Variants in NECAB1 observed in about 807,000 individuals in gnomAD.
NECAB1 encodes the protein N-terminal EF-hand calcium-binding protein 1.
In NECAB1, 29 loss-of-function variants were observed where a neutral mutation model predicts 57.5. That is an observed-to-expected ratio of 0.50 (90% CI 0.38 to 0.69). The LOEUF (loss-of-function observed/expected upper bound fraction) is 0.69. Ranked by LOEUF, NECAB1 falls within the 30% of genes least tolerant of loss-of-function variation. The probability of loss-of-function intolerance (pLI) is 0.00; values close to 1 mark genes in which losing one functional copy is unlikely to be tolerated. For missense variants in NECAB1, 372 were observed against 413.8 expected (o/e 0.90, Z 0.88); for synonymous variants, 142 against 147.7 (o/e 0.96, Z 0.28).
chr8:90,895,003 A>C (rs553960605), intron 5 of NECAB1, among the ~76,000 whole-genome samples: 1 of 152,332 alleles, frequency 6.6e-6, no homozygotes, highest in Admixed American at 6.5e-5. Flanking sequence ...TGTTTCTGGG[A>C]GAACTTCAGT....
intron 3 of NECAB1, among the ~76,000 whole-genome samples, chr8:90,863,290 A>C (rs1808444720): frequency 6.6e-6 from 1 of 152,144 alleles, no homozygotes; most frequent in Non-Finnish European, 1.5e-5. Context: ...GAATACTAGT[A>C]GAAAGATCAA....
chr8:90,879,390 C>T (rs1586079401), intron 4 of NECAB1, among the ~76,000 whole-genome samples: 1 of 151,542 alleles, frequency 6.6e-6, no homozygotes, highest in South Asian at 2.1e-4. Context: ...CTCAAGTGAT[C>T]CTTCTGCCTT....
Position 90,936,032 on chromosome 8 carries a change from T to C in NECAB1, c.747+1675T>C, listed in dbSNP as rs116694040. Among the ~76,000 whole-genome samples, 326 of 152,260 alleles carry C rather than the reference T, an allele frequency of 2.1e-3. 2 individuals are homozygous for C. Among genetic ancestry groups the C allele is most frequent in the African/African-American group, 7.4e-3 (306 of 41,576 alleles). On this transcript the variant is annotated intron_variant, in intron 9 of 12. Transcript: ENST00000417640. ...TGGTTTGTTTTTTCAGAAGTAACAA[T>C]AAGATATTTGTCATTAAAAGTTGTT...
chr8:90,914,420 A>G (rs923341642), intron 5 of NECAB1, among the ~76,000 whole-genome samples: 5 of 152,206 alleles, frequency 3.3e-5, no homozygotes, highest in African/African-American at 1.2e-4. Flanking sequence ...GTCTGGAAGG[A>G]TAAGTAGGAA....
intron 5 of NECAB1, among the ~76,000 whole-genome samples, chr8:90,916,970 AT>A (rs2130116250): frequency 6.6e-6 from 1 of 152,324 alleles, no homozygotes; most frequent in African/African-American, 2.4e-5. Context: ...CATTTTCTGA[AT>A]TTTAAATAAC....
chr8:90,802,824 C>T (rs1368829309), intron 2 of NECAB1, among the ~76,000 whole-genome samples: 1 of 152,176 alleles, frequency 6.6e-6, no homozygotes, highest in African/African-American at 2.4e-5. Flanking sequence ...ATTGTCAGTT[C>T]AAATGTGCTT....
intron 12 of NECAB1, among the ~76,000 whole-genome samples, chr8:90,952,563 G>C (rs970501817): frequency 3.3e-5 from 5 of 152,112 alleles, no homozygotes; most frequent in Non-Finnish European, 7.4e-5. Flanking sequence ...CGGATCACAA[G>C]GCCAGGAGCT....
chr8:90,887,328 C>T (rs1050760201), intron 5 of NECAB1, among the ~76,000 whole-genome samples: 8 of 152,158 alleles, frequency 5.3e-5, no homozygotes, highest in African/African-American at 1.9e-4. Flanking sequence ...TTCATTACCA[C>T]AAGGCAGTAA....
At chr8:90,940,521 C>T in intron 9 of NECAB1, 1 of 365,284 alleles carries the variant, frequency 2.7e-6, no homozygotes, top group Non-Finnish European at 5.0e-6. Flanking sequence ...CTTCTCGAGT[C>T]ATTGAGAATC....
Position 90,881,131 on chromosome 8 carries a change from G to GT in NECAB1, c.357+2dup. On this transcript the variant is annotated splice_donor_variant, in intron 5 of 12. Coordinates refer to ENST00000417640, the MANE Select transcript of NECAB1 (RefSeq NM_022351.5). LOFTEE classifies it high-confidence loss of function. ...GAAGGCAATGGGCAAAACAAAGAAAGTAAGAAAATGTTAATGTTTATTTTC... is the reference window on the plus strand; with the variant it reads ...GAAGGCAATGGGCAAAACAAAGAAAGTTAAGAAAATGTTAATGTTTATTTTC... 1 of 1,563,850 alleles carries GT rather than the reference G, an allele frequency of 6.4e-7. No homozygotes were observed. Among genetic ancestry groups the GT allele is most frequent in the Non-Finnish European group, 8.7e-7 (1 of 1,147,956 alleles).
intron 8 of NECAB1, among the ~76,000 whole-genome samples, chr8:90,933,109 A>G (rs1241788717): frequency 6.6e-6 from 1 of 152,220 alleles, no homozygotes; most frequent in African/African-American, 2.4e-5. Context: ...TGAACAGGGA[A>G]CACTTCTACA....
intron 3 of NECAB1, among the ~76,000 whole-genome samples, chr8:90,842,676 G>A (rs1347863414): frequency 1.3e-5 from 2 of 152,218 alleles, no homozygotes; most frequent in African/African-American, 2.4e-5. Flanking sequence ...CCAATGTAAG[G>A]CATTTTCTGT....
intron 10 of NECAB1, among the ~76,000 whole-genome samples, chr8:90,947,994 G>A (rs968308700): frequency 6.6e-6 from 1 of 152,218 alleles, no homozygotes; most frequent in Non-Finnish European, 1.5e-5. Context: ...AATGTAATAA[G>A]TAAACAAATG....
chr8:90,879,279 C>G (rs1162695211), intron 4 of NECAB1, among the ~76,000 whole-genome samples: 3 of 149,632 alleles, frequency 2.0e-5, no homozygotes, highest in Admixed American at 6.7e-5. Flanking sequence ...GCCTCGACTT[C>G]CCAGGCTCAA....
chr8:90,851,542 T>C (rs557719005), intron 3 of NECAB1, among the ~76,000 whole-genome samples: 2 of 152,228 alleles, frequency 1.3e-5, no homozygotes, highest in Admixed American at 6.5e-5. Context: ...AAAAACCCCA[T>C]ACATTTGGTG....
intron 1 of NECAB1, among the ~76,000 whole-genome samples, chr8:90,801,428 A>G (rs1015040799): frequency 6.6e-6 from 1 of 152,194 alleles, no homozygotes; most frequent in African/African-American, 2.4e-5. Flanking sequence ...GTGTGTATAA[A>G]TAGCTCATTC....
intron 5 of NECAB1, among the ~76,000 whole-genome samples, chr8:90,890,638 G>A (rs1403037477): frequency 6.6e-6 from 1 of 152,066 alleles, no homozygotes; most frequent in African/African-American, 2.4e-5. Context: ...CTGAGTTTGA[G>A]TTAATATTAA....
chr8:90,952,872 T>C (rs3864653), intron 12 of NECAB1, among the ~76,000 whole-genome samples: 11 of 152,306 alleles, frequency 7.2e-5, no homozygotes, highest in African/African-American at 2.6e-4. Context: ...CTGCAAGCTT[T>C]GTACATAGAA....
chr8:90,825,561 T>C (rs889517029), intron 3 of NECAB1, among the ~76,000 whole-genome samples: 3 of 151,866 alleles, frequency 2.0e-5, no homozygotes, highest in African/African-American at 4.8e-5. Flanking sequence ...TTCAGACCTA[T>C]CAGTGTGTCC....
Sources: gnomAD v4.1 joint callset for allele counts (sites outside exome capture counted in the v4.1 genomes callset) on GRCh38, gnomAD v4.1.1 for gene constraint, MANE v1.5 for transcripts, NCBI Gene and HGNC (gene_info 2026-07-23, HGNC 2026-07-21) for gene names.